The following DOK5 variants were observed in gnomAD, a reference collection of about 807,000 sequenced individuals.
The protein encoded by DOK5 is docking protein 5.
A neutral mutation model predicts 43.3 loss-of-function variants in DOK5; 27 were observed. The observed-to-expected ratio is 0.62, with a 90% CI of 0.46 to 0.86. The LOEUF (loss-of-function observed/expected upper bound fraction) is 0.86, where lower values mean the gene tolerates loss of function less well. Among genes scored for constraint, DOK5 ranks in the 40% least tolerant of loss-of-function variants. The probability of loss-of-function intolerance (pLI) is 0.00; values close to 1 mark genes in which losing one functional copy is unlikely to be tolerated. For missense variants in DOK5, 373 were observed against 392.9 expected, an observed-to-expected ratio of 0.95 and a Z score of 0.43; for synonymous variants, 146 against 140.1, an observed-to-expected ratio of 1.04 and a Z score of -0.30.
At chr20:54,500,720 C>A (rs1287632117) in intron 1 of DOK5, among the ~76,000 whole-genome samples, 1 of 151,890 alleles carries the variant, frequency 6.6e-6, no homozygotes, top group African/African-American at 2.4e-5. Context: ...TGCCACCATG[C>A]CCGGCTAATT....
intron 1 of DOK5, among the ~76,000 whole-genome samples, chr20:54,521,779 C>T (rs1443879744): frequency 6.6e-6 from 1 of 152,124 alleles, no homozygotes; most frequent in Non-Finnish European, 1.5e-5. Context: ...CCAATCACAA[C>T]GTTGGTTCTT....
chr20:54,502,449 A>G (rs748168578), intron 1 of DOK5, among the ~76,000 whole-genome samples: 1 of 152,156 alleles, frequency 6.6e-6, no homozygotes, highest in Non-Finnish European at 1.5e-5. Flanking sequence ...AAAATTTTAC[A>G]GTCATTCACA....
rs531916350 is a variant in DOK5 at position 54,563,197 on chromosome 20, C to A, written c.174+8157C>A. 7.8e-4 allele frequency among the ~76,000 whole-genome samples: 119 copies of A among 152,262 alleles called. 1 individual carries two copies. Among genetic ancestry groups the A allele is most frequent in the Admixed American group, 2.7e-3 (41 of 15,296 alleles). On this transcript the variant is annotated intron_variant, in intron 2 of 7. Coordinates refer to ENST00000262593, the MANE Select transcript of DOK5 (RefSeq NM_018431.5). ...CCAGCACCTTGATTTTGGGCTCTGG[C>A]CTCCAGAACTGTGACAGCATACATT...
At chr20:54,602,268 C>T (rs1217150763) in intron 5 of DOK5, among the ~76,000 whole-genome samples, 2 of 152,184 alleles carry the variant, frequency 1.3e-5, no homozygotes, top group African/African-American at 4.8e-5. Flanking sequence ...TTGTTATTCA[C>T]ATTTGAAATA....
chr20:54,638,942 AAGTG>A lies in DOK5; in HGVS notation c.736-4515_736-4512del, dbSNP rs370943907. 2.6e-3 allele frequency among the ~76,000 whole-genome samples: 402 copies of A among 151,960 alleles called. 4 individuals carry two copies. Among genetic ancestry groups the A allele is most frequent in the African/African-American group, 7.8e-3 (322 of 41,478 alleles). On this transcript the variant is annotated intron_variant, in intron 6 of 7. Transcript: ENST00000262593. ...ATGATCCATCCACCTCAGCCTCCCA[AAGTG>A]CTAGGATTACAGGCAGGAGCCACTG...
chr20:54,482,795 C>T (rs1981772720), intron 1 of DOK5, among the ~76,000 whole-genome samples: 2 of 152,220 alleles, frequency 1.3e-5, no homozygotes, highest in Middle Eastern at 3.2e-3. Context: ...CCGTGCCCGG[C>T]CTCATCATAT....
intron 2 of DOK5, among the ~76,000 whole-genome samples, chr20:54,568,244 A>G (rs115155783): frequency 0.013 from 2,036 of 152,362 alleles, 47 homozygotes; most frequent in African/African-American, 0.046. Context: ...TTATGAAGTG[A>G]ATTGATTGTA....
Position 54,475,683 on chromosome 20 carries a change from G to A in DOK5, c.-264G>A. 1 of 537,802 alleles carries A rather than the reference G, an allele frequency of 1.9e-6. No individual in the cohort carries two copies. The allele number at this position is 537,802 out of a possible 1,614,324, so 33.3% of individuals were successfully genotyped here. A position where few individuals can be genotyped will look rare whatever the true frequency, so the allele number is the denominator to read the frequency against. On this transcript the variant is annotated 5_prime_UTR_variant, in exon 1 of 8. Transcript: ENST00000262593. The surrounding 1 kb of genome is among the most constrained non-coding windows in gnomAD (Gnocchi z 4.2). ...TCCTGGCAGGCCGGCCGCGGAGTCA[G>A]CTGACGCCGGCGCTCCAGCCTCGCC...
At position 54,522,646 on chromosome 20, in the gene DOK5, A is replaced by G. The variant is rs554426736; in HGVS notation, c.67-32287A>G. 7.9e-5 allele frequency among the ~76,000 whole-genome samples: 12 copies of G among 151,534 alleles called. No homozygotes were observed. The South Asian group carries it at 2.5e-3, about 32-fold the overall frequency. On this transcript the variant is annotated intron_variant, in intron 1 of 7. Transcript: ENST00000262593. ...GCAACTCTCCTGCCTCAGCTTCGTA[A>G]GTAGCTGGGATTACAGGCGTCCACT... is the stretch of plus-strand genomic sequence containing the variant.
intron 2 of DOK5, among the ~76,000 whole-genome samples, chr20:54,585,337 A>G (rs1985770084): frequency 2.0e-5 from 3 of 152,132 alleles, no homozygotes; most frequent in South Asian, 4.1e-4. Context: ...TCCTAAACCA[A>G]TTTCCTAAAT....
At chr20:54,496,953 T>A (rs996119839) in intron 1 of DOK5, among the ~76,000 whole-genome samples, 1 of 152,060 alleles carries the variant, frequency 6.6e-6, no homozygotes, top group Admixed American at 6.6e-5. Context: ...GTAAAACATA[T>A]AACCTGGTGG....
At chr20:54,524,734 G>A (rs1171645799) in intron 1 of DOK5, among the ~76,000 whole-genome samples, 1 of 152,192 alleles carries the variant, frequency 6.6e-6, no homozygotes, top group Admixed American at 6.5e-5. Context: ...ATTTCTTGAA[G>A]TTTTAATATT....
chr20:54,494,220 G>T (rs1214493473), intron 1 of DOK5, among the ~76,000 whole-genome samples: 1 of 152,206 alleles, frequency 6.6e-6, no homozygotes, highest in Non-Finnish European at 1.5e-5. Context: ...CTTTATTGTT[G>T]TACTCTTAAT....
intron 5 of DOK5, among the ~76,000 whole-genome samples, chr20:54,607,122 A>G (rs1460428618): frequency 6.6e-6 from 1 of 152,238 alleles, no homozygotes; most frequent in Admixed American, 6.5e-5. Flanking sequence ...CTGGCCTGCC[A>G]TCTCACCAGC....
intron 1 of DOK5, among the ~76,000 whole-genome samples, chr20:54,496,366 G>A (rs1982391397): frequency 6.6e-6 from 1 of 152,162 alleles, no homozygotes; most frequent in South Asian, 2.1e-4. Flanking sequence ...TATTAAAAAT[G>A]TTTCCTACTA....
At chr20:54,487,287 A>G (rs1021550792) in intron 1 of DOK5, among the ~76,000 whole-genome samples, 2 of 152,162 alleles carry the variant, frequency 1.3e-5, no homozygotes, top group South Asian at 2.1e-4. Context: ...CCTAGAGAGG[A>G]CCATCCTGAC....
At chr20:54,627,321 T>C (rs1397853739) in intron 6 of DOK5, among the ~76,000 whole-genome samples, 4 of 152,250 alleles carry the variant, frequency 2.6e-5, no homozygotes, top group Non-Finnish European at 5.9e-5. Flanking sequence ...GGGAGTAGGA[T>C]TGCTGAATTA....
chr20:54,497,674 A>G lies in DOK5; in HGVS notation c.66+21662A>G, dbSNP rs541201043. Among the ~76,000 whole-genome samples, 8 of 152,314 alleles carry G rather than the reference A, an allele frequency of 5.3e-5. No individual in the cohort carries two copies. In the South Asian group the frequency reaches 1.2e-3, roughly 24 times the overall value. ...AATTCTGGCACAAATGTGTCCACAT[A>G]TATATTTCTGCATGCTTGTAGGAAA... On this transcript the variant is annotated intron_variant, in intron 1 of 7. Transcript: ENST00000262593.
intron 5 of DOK5, among the ~76,000 whole-genome samples, chr20:54,604,713 C>T (rs1257046089): frequency 6.6e-6 from 1 of 152,042 alleles, no homozygotes; most frequent in African/African-American, 2.4e-5. Context: ...CTTAAATATA[C>T]ATGTTGGCCG....
Sources: allele counts gnomAD v4.1 joint callset (sites outside exome capture counted in the v4.1 genomes callset), GRCh38; gene constraint gnomAD v4.1.1; non-coding constraint Gnocchi (gnomAD v3.1); transcripts MANE v1.5; gene names NCBI Gene and HGNC (gene_info 2026-07-23, HGNC 2026-07-21).